Variants in MGLL observed in about 807,000 individuals in gnomAD.
MGLL encodes lysophospholipase homolog.
In MGLL, 7 loss-of-function variants were observed where a neutral mutation model predicts 29.1. That is an observed-to-expected ratio of 0.24 (90% CI 0.14 to 0.45). The LOEUF (loss-of-function observed/expected upper bound fraction) is 0.45. MGLL is among the 20% of genes least tolerant of loss of function. The pLI, the probability that MGLL is intolerant of heterozygous loss-of-function variation, is 0.99. For synonymous variants in MGLL, 148 were observed against 168.3 expected, an observed-to-expected ratio of 0.88 and a Z score of 0.93; for missense variants, 356 against 413.6, an observed-to-expected ratio of 0.86 and a Z score of 1.21.
chr3:127,743,748 C>T (rs1328959894), intron 3 of MGLL, among the ~76,000 whole-genome samples: 1 of 152,074 alleles, frequency 6.6e-6, no homozygotes, highest in African/African-American at 2.4e-5. Context: ...ACCACAGGGG[C>T]TCTGCTTTTC....
intron 3 of MGLL, among the ~76,000 whole-genome samples, chr3:127,758,996 C>T (rs1432937252): frequency 1.4e-5 from 2 of 147,526 alleles, no homozygotes; most frequent in Admixed American, 6.9e-5. Flanking sequence ...GATCTAGGCT[C>T]ACTGCAACCT....
chr3:127,782,739 T>C (rs1280974554), intron 2 of MGLL, among the ~76,000 whole-genome samples: 1 of 152,162 alleles, frequency 6.6e-6, no homozygotes, highest in Non-Finnish European at 1.5e-5. Context: ...CTGCTGCTGA[T>C]GGTGATGAGG....
chr3:127,822,744 C>A (rs529081415), upstream of MGLL: 28 of 217,110 alleles, frequency 1.3e-4, 1 homozygote, highest in South Asian at 1.8e-3. Flanking sequence ...TCCTGTGCGT[C>A]TCCGACAGCA....
Position 127,760,175 on chromosome 3 carries a change from G to A in MGLL, c.262+21614C>T, listed in dbSNP as rs114441114. 3.2e-3 allele frequency among the ~76,000 whole-genome samples: 480 copies of A among 152,356 alleles called. 6 individuals carry two copies. The highest frequency in any genetic ancestry group is 0.011 in the African/African-American group (450 of 41,582). On this transcript the variant is annotated intron_variant, in intron 3 of 7. Coordinates refer to ENST00000265052, the MANE Select transcript of MGLL (RefSeq NM_007283.7). ...CATCCATTTATGGGACATTGAGTTT[G>A]TGTGGGGTCCTATGAGCTAACGTTT...
At chr3:127,726,590 A>G (rs542278689) in intron 3 of MGLL, among the ~76,000 whole-genome samples, 59 of 152,084 alleles carry the variant, frequency 3.9e-4, no homozygotes, top group Admixed American at 1.7e-3. Flanking sequence ...CACCATGCCC[A>G]GCTAATTTTT....
At chr3:127,778,018 C>G (rs2077064022) in intron 3 of MGLL, among the ~76,000 whole-genome samples, 1 of 152,172 alleles carries the variant, frequency 6.6e-6, no homozygotes, top group Non-Finnish European at 1.5e-5. Context: ...GAACATGACT[C>G]TGAGCCCACC....
chr3:127,822,428 C>T lies in MGLL; in HGVS notation c.-110G>A, dbSNP rs906243257. The T allele has an allele frequency of 7.2e-5, 85 of 1,173,606 alleles. No individual in the cohort carries two copies. Among genetic ancestry groups the T allele is most frequent in the Non-Finnish European group, 9.6e-5 (76 of 788,846 alleles). 72.7% of individuals were successfully genotyped at this position (1,173,606 alleles called of 1,614,324 possible). A position where few individuals can be genotyped will look rare whatever the true frequency, so the allele number is the denominator to read the frequency against. ...CCCCAAGGCAGCAGGAAGGCAGCTCCGAGCCCTCTTCCCGCACCCAGACCC... is the reference window on the plus strand; with the variant it reads ...CCCCAAGGCAGCAGGAAGGCAGCTCTGAGCCCTCTTCCCGCACCCAGACCC... On this transcript the variant is annotated 5_prime_UTR_variant, in exon 1 of 8. Coordinates refer to ENST00000265052, the MANE Select transcript of MGLL (RefSeq NM_007283.7).
At chr3:127,765,385 G>A (rs2076838768) in intron 3 of MGLL, among the ~76,000 whole-genome samples, 2 of 152,210 alleles carry the variant, frequency 1.3e-5, no homozygotes, top group South Asian at 4.1e-4. Flanking sequence ...CCTTCTGAAA[G>A]ATAACCAGGT....
At chr3:127,700,893 G>A (rs1037347051) in intron 6 of MGLL, among the ~76,000 whole-genome samples, 1 of 152,110 alleles carries the variant, frequency 6.6e-6, no homozygotes, top group African/African-American at 2.4e-5. Flanking sequence ...TGAACCCCAG[G>A]CCTATGGAAT....
chr3:127,729,186 G>T (rs1330887357), intron 3 of MGLL, among the ~76,000 whole-genome samples: 1 of 151,772 alleles, frequency 6.6e-6, no homozygotes, highest in Non-Finnish European at 1.5e-5. Flanking sequence ...TCACTTTATG[G>T]CTTCTGAATT....
chr3:127,719,668 G>A (rs536204779), intron 5 of MGLL, among the ~76,000 whole-genome samples: 2 of 152,304 alleles, frequency 1.3e-5, no homozygotes, highest in Admixed American at 1.3e-4. Flanking sequence ...ATGTTGAGTA[G>A]GTCATGTCTC....
At chr3:127,726,148 G>GAAAGAAAC (rs1553758397) in intron 3 of MGLL, among the ~76,000 whole-genome samples, 3 of 24,320 alleles carry the variant, frequency 1.2e-4, no homozygotes, top group Non-Finnish European at 2.8e-4. Context: ...AAGAAAGAAA[G>GAAAGAAAC]AAAGAAAGAA....
chr3:127,791,048 C>G (rs576374179), intron 2 of MGLL, among the ~76,000 whole-genome samples: 4 of 152,292 alleles, frequency 2.6e-5, no homozygotes, highest in Admixed American at 2.0e-4. Flanking sequence ...TGTGCCTGCC[C>G]AAAGTGCATG....
chr3:127,756,381 C>T (rs2107676468), intron 3 of MGLL, among the ~76,000 whole-genome samples: 1 of 152,258 alleles, frequency 6.6e-6, no homozygotes, highest in East Asian at 1.9e-4. Flanking sequence ...GAGCCCACAC[C>T]TCCACTCCAG....
At chr3:127,738,264 G>T (rs2076278954) in intron 3 of MGLL, among the ~76,000 whole-genome samples, 1 of 151,114 alleles carries the variant, frequency 6.6e-6, no homozygotes, top group Non-Finnish European at 1.5e-5. Context: ...TTTCACCACT[G>T]CACTCCAGCC....
chr3:127,748,404 GAGAA>G (rs1352481960), intron 3 of MGLL, among the ~76,000 whole-genome samples: 8 of 148,324 alleles, frequency 5.4e-5, no homozygotes, highest in African/African-American at 2.0e-4. Context: ...GAGAGAGAGA[GAGAA>G]AGAGAGAGAG....
Position 127,761,002 on chromosome 3 carries a change from C to T in MGLL, c.262+20787G>A, listed in dbSNP as rs72626373. Among the ~76,000 whole-genome samples the T allele has an allele frequency of 0.017, 2,626 of 152,306 alleles. 58 individuals are homozygous for T. Among genetic ancestry groups the T allele is most frequent in the East Asian group, 0.091 (472 of 5,182 alleles). On this transcript the variant is annotated intron_variant, in intron 3 of 7. Coordinates refer to ENST00000265052, the MANE Select transcript of MGLL (RefSeq NM_007283.7). The surrounding 1 kb of genome is among the most constrained non-coding windows in gnomAD (Gnocchi z 4.6). Reference sequence around the variant, plus strand: ...TGATTTTCTTTAAACAGGGCTCATCCTCCAGGCCAAATTCATACCCACACA... The same window carrying T: ...TGATTTTCTTTAAACAGGGCTCATCTTCCAGGCCAAATTCATACCCACACA...
At chr3:127,736,958 G>A (rs144271445) in intron 3 of MGLL, among the ~76,000 whole-genome samples, 4,128 of 152,250 alleles carry the variant, frequency 0.027, 177 homozygotes, top group African/African-American at 0.094. Flanking sequence ...GCCTCCCAAA[G>A]TGCAGGGATT....
intron 2 of MGLL, among the ~76,000 whole-genome samples, chr3:127,816,660 A>T (rs2077761542): frequency 6.6e-6 from 1 of 152,192 alleles, no homozygotes; most frequent in Non-Finnish European, 1.5e-5. Context: ...ACTGGCATAG[A>T]TGGGGGAAGT....
Sources: allele counts gnomAD v4.1 joint callset (sites outside exome capture counted in the v4.1 genomes callset), GRCh38; gene constraint gnomAD v4.1.1; non-coding constraint Gnocchi (gnomAD v3.1); transcripts MANE v1.5; gene names NCBI Gene and HGNC (gene_info 2026-07-23, HGNC 2026-07-21).